The following ADGB variants were observed in gnomAD, a reference collection of about 807,000 sequenced individuals.
ADGB encodes the protein androglobin.
ADGB carries 172 observed loss-of-function variants against 210.5 expected under a neutral mutation model. That is an observed-to-expected ratio of 0.82 (90% CI 0.72 to 0.93). ADGB has a LOEUF of 0.93. ADGB is among the 40% of genes least tolerant of loss of function. ADGB has a pLI of 0.00. For missense variants in ADGB, 2,025 were observed against 1,964.8 expected (o/e 1.03, Z -0.58); for synonymous variants, 658 against 662.7 (o/e 0.99, Z 0.11).
chr6:146,757,326 G>A (rs912969461), intron 27 of ADGB, among the ~76,000 whole-genome samples: 41 of 151,620 alleles, frequency 2.7e-4, no homozygotes, highest in Admixed American at 2.4e-3. Flanking sequence ...ATTTTATTGG[G>A]AATTTTTTAC....
chr6:146,626,866 C>T (rs1022027537), intron 1 of ADGB, among the ~76,000 whole-genome samples: 2 of 151,530 alleles, frequency 1.3e-5, no homozygotes, highest in Admixed American at 1.3e-4. Context: ...TCTTTAATCC[C>T]TTCTTGGTGA....
chr6:146,702,240 A>G (rs1478884602), intron 13 of ADGB, among the ~76,000 whole-genome samples: 1 of 151,964 alleles, frequency 6.6e-6, no homozygotes, highest in Non-Finnish European at 1.5e-5. Flanking sequence ...CATTTTCTGA[A>G]TGGGTGTAGT....
intron 13 of ADGB, among the ~76,000 whole-genome samples, chr6:146,714,759 T>C (rs1776709223): frequency 6.6e-6 from 1 of 152,210 alleles, no homozygotes; most frequent in Non-Finnish European, 1.5e-5. Flanking sequence ...GCACTTAGTA[T>C]TTAACTATCT....
chr6:146,803,881 T>G lies in ADGB; in HGVS notation c.4818+1870T>G, dbSNP rs529630370. Reference sequence around the variant, plus strand: ...CTGCCGGGATAGCTGGGAAAAGTCTTAACAAGCCAATTAGCTCCTCAGAAT... The same window carrying G: ...CTGCCGGGATAGCTGGGAAAAGTCTGAACAAGCCAATTAGCTCCTCAGAAT... On this transcript the variant is annotated intron_variant, in intron 35 of 35. Coordinates refer to ENST00000397944, the MANE Select transcript of ADGB (RefSeq NM_024694.4). The G allele has an allele frequency of 5.1e-4, 176 of 344,720 alleles. No individual in the cohort carries two copies. In the East Asian group the frequency reaches 8.2e-3, roughly 16 times the overall value. 21.4% of individuals were successfully genotyped at this position (344,720 alleles called of 1,614,324 possible).
At chr6:146,709,583 C>T (rs1008849383) in intron 13 of ADGB, among the ~76,000 whole-genome samples, 1 of 152,186 alleles carries the variant, frequency 6.6e-6, no homozygotes, top group African/African-American at 2.4e-5. Context: ...CTGGCATAGA[C>T]CTAGAGTACC....
At chr6:146,623,925 T>C (rs1780936360) in intron 1 of ADGB, among the ~76,000 whole-genome samples, 1 of 151,948 alleles carries the variant, frequency 6.6e-6, no homozygotes, top group Non-Finnish European at 1.5e-5. Context: ...AAACTCTAAT[T>C]GATCATGATG....
rs1294761433 is a variant in ADGB, at chr6:146,691,427, T to TAAC, written c.1486+138_1486+139insACA. 4.3e-3 allele frequency: 119 copies of TAAC among 27,796 alleles called. 7 individuals are homozygous for TAAC. The highest frequency in any genetic ancestry group is 4.8e-3 in the Non-Finnish European group (84 of 17,648). 1.7% of individuals were successfully genotyped at this position (27,796 alleles called of 1,614,324 possible). ...CCTATGTTTAATATATATATATATA[T>TAAC]ATATATATATATATAAAAATATATA... On this transcript the variant is annotated intron_variant, in intron 11 of 35. Coordinates refer to ENST00000397944, the MANE Select transcript of ADGB (RefSeq NM_024694.4).
chr6:146,789,255 T>C lies in ADGB; in HGVS notation c.4537+645T>C, dbSNP rs542107479. ...ATGAGGCTGCCCATGGAAGCACTGCTTCTCTCTCAGGTGTGAGCACTACCT... is the reference window on the plus strand; with the variant it reads ...ATGAGGCTGCCCATGGAAGCACTGCCTCTCTCTCAGGTGTGAGCACTACCT... On this transcript the variant is annotated intron_variant, in intron 33 of 35. Transcript: ENST00000397944. Among the ~76,000 whole-genome samples the C allele has an allele frequency of 2.0e-5, 3 of 152,318 alleles. No individual in the cohort carries two copies. In the South Asian group the frequency reaches 6.2e-4, roughly 32 times the overall value.
At chr6:146,691,400 A>G (rs1169672892) in intron 11 of ADGB, 110 bp downstream of exon 11, 1 of 307,684 alleles carries the variant, frequency 3.3e-6, no homozygotes, top group African/African-American at 3.5e-5. Context: ...TTGCTTCTAA[A>G]GCCTATGTTT....
At chr6:146,796,295 A>C (rs1385953640) in intron 33 of ADGB, among the ~76,000 whole-genome samples, 1 of 152,172 alleles carries the variant, frequency 6.6e-6, no homozygotes, top group Admixed American at 6.5e-5. Flanking sequence ...AATTCAATGC[A>C]ATTCCCATCA....
At chr6:146,677,583 A>T (rs1433970563) in intron 9 of ADGB, among the ~76,000 whole-genome samples, 1 of 152,168 alleles carries the variant, frequency 6.6e-6, no homozygotes, top group Non-Finnish European at 1.5e-5. Flanking sequence ...GAAACATTAC[A>T]TTAGCAGATT....
At chr6:146,771,980 C>T (rs369439069) in intron 29 of ADGB, among the ~76,000 whole-genome samples, 2 of 152,070 alleles carry the variant, frequency 1.3e-5, no homozygotes, top group East Asian at 1.9e-4. Flanking sequence ...CATGAGTTGC[C>T]TGTAACTCTT....
At chr6:146,699,868 A>G (rs1224559342) in intron 12 of ADGB, among the ~76,000 whole-genome samples, 1 of 152,166 alleles carries the variant, frequency 6.6e-6, no homozygotes, top group African/African-American at 2.4e-5. Flanking sequence ...GATTAGTTTC[A>G]TAACCTAAAT....
chr6:146,688,014 T>TA lies in ADGB; in HGVS notation c.1311+2186_1311+2187insA, dbSNP rs200538031. The stretch of plus-strand genomic sequence containing the variant: ...AGACTAAAGACTAAAAACTCACATC[T>TA]GTTTATTCATTGGTTAATTCAACAG... On this transcript the variant is annotated intron_variant, in intron 10 of 35. Coordinates refer to ENST00000397944, the MANE Select transcript of ADGB (RefSeq NM_024694.4). Among the ~76,000 whole-genome samples the TA allele has an allele frequency of 4.6e-4, 70 of 152,302 alleles. No individual in the cohort carries two copies. In the East Asian group the frequency reaches 0.012, roughly 26 times the overall value.
At chr6:146,718,367 A>C (rs998795707) in intron 16 of ADGB, among the ~76,000 whole-genome samples, 10 of 133,136 alleles carry the variant, frequency 7.5e-5, no homozygotes, top group Non-Finnish European at 1.3e-4. Flanking sequence ...AAAAAAAAAA[A>C]GGCTCAGCTT....
intron 27 of ADGB, among the ~76,000 whole-genome samples, chr6:146,758,658 C>T (rs1777444012): frequency 6.6e-6 from 1 of 151,922 alleles, no homozygotes; most frequent in African/African-American, 2.4e-5. Context: ...TCTTATTTTA[C>T]ATGATATTTC....
intron 2 of ADGB, chr6:146,639,070 C>A: frequency 6.4e-6 from 1 of 156,024 alleles, no homozygotes. Context: ...AGAGGTGTGG[C>A]ATCACCAGAA....
chr6:146,689,802 T>C (rs1326617993), intron 10 of ADGB, among the ~76,000 whole-genome samples: 3 of 152,160 alleles, frequency 2.0e-5, no homozygotes, highest in African/African-American at 7.2e-5. Flanking sequence ...GCTTGACTCA[T>C]GGAAACTTAA....
intron 35 of ADGB, 112 bp from the exon 36 acceptor site, chr6:146,814,920 C>T: frequency 1.0e-6 from 1 of 971,676 alleles, no homozygotes; most frequent in Non-Finnish European, 1.5e-6. Context: ...AATCATTTTG[C>T]CTATGAATGT....
Sources: allele counts gnomAD v4.1 joint callset (sites outside exome capture counted in the v4.1 genomes callset), GRCh38; gene constraint gnomAD v4.1.1; transcripts MANE v1.5; gene names NCBI Gene and HGNC (gene_info 2026-07-23, HGNC 2026-07-21).